The following PTPRG variants were observed in gnomAD, a reference collection of about 807,000 sequenced individuals.
PTPRG encodes the protein protein tyrosine phosphatase receptor type G.
A neutral mutation model predicts 165.3 loss-of-function variants in PTPRG; 102 were observed. That is an observed-to-expected ratio of 0.62 (90% CI 0.53 to 0.73). The LOEUF is 0.73. Among genes scored for constraint, PTPRG ranks in the 30% least tolerant of loss-of-function variants. PTPRG has a pLI of 0.00. For synonymous variants in PTPRG, 675 were observed against 669.5 expected (o/e 1.01, Z -0.13); for missense variants, 1,866 against 1,861.4 (o/e 1.00, Z -0.05).
At position 61,700,617 on chromosome 3, in the gene PTPRG, G is replaced by T. The variant is rs533845018; in HGVS notation, c.86-48261G>T. ...TGAAGATATGAGTATGTATTTGGAAGATGGTGAAGTGAACTTGACTGTTTT... is the reference window on the plus strand; with the variant it reads ...TGAAGATATGAGTATGTATTTGGAATATGGTGAAGTGAACTTGACTGTTTT... On this transcript the variant is annotated intron_variant, in intron 1 of 29. Transcript: ENST00000474889. Among the ~76,000 whole-genome samples, 5 of 152,316 alleles carry T rather than the reference G, an allele frequency of 3.3e-5. No individual in the cohort carries two copies. The South Asian group carries it at 1.0e-3, about 32-fold the overall frequency.
intron 4 of PTPRG, among the ~76,000 whole-genome samples, chr3:62,006,734 G>A (rs904502951): frequency 6.6e-6 from 1 of 152,056 alleles, no homozygotes; most frequent in Non-Finnish European, 1.5e-5. Flanking sequence ...GACATTTCTT[G>A]TTATTGCCAT....
chr3:62,115,792 C>T (rs1000312162), intron 5 of PTPRG, among the ~76,000 whole-genome samples: 26 of 151,994 alleles, frequency 1.7e-4, no homozygotes, highest in African/African-American at 6.0e-4. Context: ...CTGCCTTGGC[C>T]TCCCAAAGTG....
chr3:61,800,961 C>T (rs1474567590), intron 2 of PTPRG, among the ~76,000 whole-genome samples: 1 of 152,054 alleles, frequency 6.6e-6, no homozygotes, highest in African/African-American at 2.4e-5. Context: ...CTGCACAGTA[C>T]CTTTAAGGAA....
chr3:61,987,753 T>TG (rs2040796723), intron 2 of PTPRG, among the ~76,000 whole-genome samples: 1 of 148,582 alleles, frequency 6.7e-6, no homozygotes, highest in African/African-American at 2.6e-5. Context: ...AATCACTTTA[T>TG]TTGGTTTTTC....
intron 4 of PTPRG, among the ~76,000 whole-genome samples, chr3:62,033,606 C>A (rs1418818034): frequency 1.4e-5 from 2 of 146,350 alleles, no homozygotes; most frequent in Non-Finnish European, 3.0e-5. Flanking sequence ...CTCAAGCAAT[C>A]CTCCTGCCTT....
At position 61,562,327 on chromosome 3, in the gene PTPRG, C is replaced by G; in HGVS notation, c.40C>G (p.Leu14Val). The G allele has an allele frequency of 6.2e-7, 1 of 1,613,682 alleles. No individual in the cohort carries two copies. Among genetic ancestry groups the G allele is most frequent in the Non-Finnish European group, 8.5e-7 (1 of 1,179,694 alleles). ...LLEPCWWILF[L>V]KITSSVLHYV... The stretch of plus-strand genomic sequence containing the variant: ...GGAACCGTGTTGGTGGATTTTGTTC[C>G]TGAAAATCACCAGTTCCGTGCTCCA... Residue 14 changes from leucine (L) to valine (V), a missense_variant, in exon 1 of 30, where the codon CTG becomes GTG. By Grantham distance (32) the Leu-to-Val change is conservative. Around this residue, in one of 3 missense-constraint regions of PTPRG, gnomAD observed 408 missense variants for 376.2 expected, o/e 1.08. Transcript: ENST00000474889.
At position 61,568,563 on chromosome 3, in the gene PTPRG, C is replaced by T. The variant is rs1699979830; in HGVS notation, c.85+6191C>T. 2.0e-5 allele frequency among the ~76,000 whole-genome samples: 3 copies of T among 152,230 alleles called. No homozygotes were observed. The East Asian group carries it at 5.8e-4, about 29-fold the overall frequency. On this transcript the variant is annotated intron_variant, in intron 1 of 29. Transcript: ENST00000474889. ...TTCTGTGTGAGATAGCTTGCTGGAT[C>T]TATGCAGGCCTAAGGTTTTTATGAT...
Position 61,805,530 on chromosome 3 carries a change from CA to C in PTPRG, c.190+56569del, listed in dbSNP as rs58646519. ...CTACTCTTCCCGAAAATGGGAAAGACAAAAAAAAAAAAAAAAAAAAATCAAA... is the reference window on the plus strand; with the variant it reads ...CTACTCTTCCCGAAAATGGGAAAGACAAAAAAAAAAAAAAAAAAAATCAAA... On this transcript the variant is annotated intron_variant, in intron 2 of 29. Coordinates refer to ENST00000474889, the MANE Select transcript of PTPRG (RefSeq NM_002841.4). 7.5e-3 allele frequency among the ~76,000 whole-genome samples: 722 copies of C among 96,506 alleles called. 3 individuals are homozygous for C. The highest frequency in any genetic ancestry group is 0.014 in the African/African-American group (413 of 28,928). The allele number at this position is 96,506 out of a possible 152,430, so 63.3% of individuals were successfully genotyped here.
At chr3:62,277,173 G>T in intron 25 of PTPRG, 125 bp downstream of exon 25, 1 of 761,264 alleles carries the variant, frequency 1.3e-6, no homozygotes, top group East Asian at 2.7e-5. Flanking sequence ...GAAAAGTATA[G>T]AGATTTCTGT....
rs368530847 is a variant in PTPRG at position 61,967,231 on chromosome 3, G to A, written c.191-22394G>A. Among the ~76,000 whole-genome samples, 44 of 152,294 alleles carry A rather than the reference G, an allele frequency of 2.9e-4. No individual in the cohort carries two copies. In the Middle Eastern group the frequency reaches 0.01, roughly 35 times the overall value. The stretch of plus-strand genomic sequence containing the variant: ...GTTATCACAGGCCTTATCTTTGTCC[G>A]CACATCTGGTTGGGAGATGGGTCTG... On this transcript the variant is annotated intron_variant, in intron 2 of 29. Transcript: ENST00000474889.
chr3:62,042,205 A>G (rs1453370823), intron 4 of PTPRG, among the ~76,000 whole-genome samples: 1 of 152,040 alleles, frequency 6.6e-6, no homozygotes, highest in East Asian at 1.9e-4. Context: ...CTTCCACACC[A>G]GTTATGGAGT....
chr3:62,078,085 C>A, intron 4 of PTPRG, 78 bp from the exon 5 acceptor site: 2 of 916,428 alleles, frequency 2.2e-6, no homozygotes, highest in Non-Finnish European at 1.7e-6. Context: ...GGGGAATATA[C>A]ATTTATGGTA....
chr3:61,903,102 C>A (rs1284426285), intron 2 of PTPRG, among the ~76,000 whole-genome samples: 1 of 152,152 alleles, frequency 6.6e-6, no homozygotes, highest in Non-Finnish European at 1.5e-5. Flanking sequence ...TGATGGCATA[C>A]CTTGCCTCAA....
At chr3:61,638,832 ATTTG>A (rs949813938) in intron 1 of PTPRG, among the ~76,000 whole-genome samples, 7 of 151,948 alleles carry the variant, frequency 4.6e-5, no homozygotes, top group African/African-American at 1.7e-4. Context: ...TCAGATGCAT[ATTTG>A]CAAATATTGT....
At chr3:61,660,059 TA>T (rs1396643433) in intron 1 of PTPRG, among the ~76,000 whole-genome samples, 1 of 152,050 alleles carries the variant, frequency 6.6e-6, no homozygotes, top group African/African-American at 2.4e-5. Context: ...ACCCTGTCTC[TA>T]CTAAAAATAC....
At chr3:62,096,398 G>T (rs751152072) in intron 5 of PTPRG, among the ~76,000 whole-genome samples, 1 of 152,054 alleles carries the variant, frequency 6.6e-6, no homozygotes, top group Admixed American at 6.5e-5. Flanking sequence ...ACTTTTTGCT[G>T]CTTTTCTCAT....
intron 12 of PTPRG, among the ~76,000 whole-genome samples, chr3:62,209,181 CT>C (rs1700300478): frequency 1.3e-5 from 2 of 152,156 alleles, no homozygotes; most frequent in Non-Finnish European, 2.9e-5. Context: ...GTCCTTCTCC[CT>C]AGGAACATTT....
intron 1 of PTPRG, among the ~76,000 whole-genome samples, chr3:61,644,143 T>A (rs1185874818): frequency 1.3e-5 from 2 of 152,232 alleles, no homozygotes; most frequent in Non-Finnish European, 2.9e-5. Flanking sequence ...CTTGGAGTGA[T>A]AAAGAAGTGT....
intron 4 of PTPRG, among the ~76,000 whole-genome samples, chr3:62,063,946 G>A (rs1700909713): frequency 1.3e-5 from 2 of 152,334 alleles, no homozygotes; most frequent in South Asian, 4.1e-4. Context: ...CCTGCGTGAT[G>A]TGGAGCTGTC....
Sources: allele counts gnomAD v4.1 joint callset (sites outside exome capture counted in the v4.1 genomes callset), GRCh38; gene constraint gnomAD v4.1.1; regional missense constraint gnomAD v4.1.1; transcripts MANE v1.5; gene names NCBI Gene and HGNC (gene_info 2026-07-23, HGNC 2026-07-21).